MSH3: variants seen among roughly 807,000 people sequenced by gnomAD.
MSH3 encodes DNA mismatch repair protein Msh3.
Under a neutral mutation model 123.3 loss-of-function variants are expected in MSH3, and 106 were observed. That is an observed-to-expected ratio of 0.86 (90% CI 0.73 to 1.01). The LOEUF (loss-of-function observed/expected upper bound fraction) is 1.01, where lower values mean the gene tolerates loss of function less well. Ranked by LOEUF, MSH3 falls within the 50% of genes least tolerant of loss-of-function variation. The pLI, the probability that MSH3 is intolerant of heterozygous loss-of-function variation, is 0.00. For missense variants in MSH3, 1,459 were observed against 1,347.6 expected (o/e 1.08, Z -1.29); for synonymous variants, 515 against 481.4 (o/e 1.07, Z -0.91).
chr5:80,748,333 C>G (rs1339421471), intron 12 of MSH3, among the ~76,000 whole-genome samples: 1 of 152,140 alleles, frequency 6.6e-6, no homozygotes, highest in Non-Finnish European at 1.5e-5. Context: ...AAAATGGTCT[C>G]TTTGGTGCAA....
At chr5:80,733,529 G>C (rs1315182927) in intron 10 of MSH3, among the ~76,000 whole-genome samples, 6 of 151,892 alleles carry the variant, frequency 4.0e-5, no homozygotes, top group Non-Finnish European at 8.8e-5. Flanking sequence ...TCAAGAAAGT[G>C]AAAAGACAAT....
At chr5:80,679,714 T>G (rs1181104893) in intron 8 of MSH3, among the ~76,000 whole-genome samples, 1 of 152,214 alleles carries the variant, frequency 6.6e-6, no homozygotes, top group East Asian at 1.9e-4. Flanking sequence ...GATATATGTC[T>G]GGCAGAGTTT....
chr5:80,823,249 TAAATG>T (rs897033553), intron 20 of MSH3, among the ~76,000 whole-genome samples: 5 of 152,304 alleles, frequency 3.3e-5, no homozygotes, highest in Admixed American at 2.0e-4. Flanking sequence ...ATTTCTAAAA[TAAATG>T]TGTGAAAAAA....
intron 18 of MSH3, among the ~76,000 whole-genome samples, chr5:80,789,296 T>C (rs1312813585): frequency 6.6e-6 from 1 of 152,126 alleles, no homozygotes; most frequent in Non-Finnish European, 1.5e-5. Flanking sequence ...AAAACTATCC[T>C]TTTTTCATAA....
rs6151893 is a variant in MSH3, at chr5:80,825,040, C to T, written c.2813+11299C>T. Among the ~76,000 whole-genome samples, 14 of 152,308 alleles carry T rather than the reference C, an allele frequency of 9.2e-5. No homozygotes were observed. The South Asian group carries it at 2.7e-3, about 29-fold the overall frequency. ...TTTTATCCCTAGGATATAATTATAT[C>T]CCATTAAATTATATCCCTAGGATAT... On this transcript the variant is annotated intron_variant, in intron 20 of 23. Transcript: ENST00000265081.
At chr5:80,657,502 C>T (rs932745402) in intron 2 of MSH3, among the ~76,000 whole-genome samples, 4 of 152,120 alleles carry the variant, frequency 2.6e-5, no homozygotes, top group African/African-American at 9.7e-5. Context: ...GCCTGAGTGC[C>T]TGAGTTCCTG....
At chr5:80,739,478 C>A (rs906525055) in intron 10 of MSH3, among the ~76,000 whole-genome samples, 1 of 152,164 alleles carries the variant, frequency 6.6e-6, no homozygotes, top group African/African-American at 2.4e-5. Context: ...TATTTGTAGA[C>A]CCTCTACTGT....
intron 10 of MSH3, among the ~76,000 whole-genome samples, chr5:80,732,358 C>T (rs1743427622): frequency 6.6e-6 from 1 of 151,984 alleles, no homozygotes; most frequent in South Asian, 2.1e-4. Flanking sequence ...CCAAGATAAA[C>T]TGTAAAACCT....
intron 8 of MSH3, among the ~76,000 whole-genome samples, chr5:80,705,422 A>G (rs1750700129): frequency 6.6e-6 from 1 of 152,226 alleles, no homozygotes. Context: ...AAGCATTGGT[A>G]ACTTGAAATC....
intron 15 of MSH3, among the ~76,000 whole-genome samples, chr5:80,769,938 G>C (rs1036705281): frequency 6.6e-6 from 1 of 152,056 alleles, no homozygotes; most frequent in Non-Finnish European, 1.5e-5. Context: ...TTAGTCTTGT[G>C]TTATTTCATA....
At chr5:80,754,472 G>A (rs2112875350) in intron 12 of MSH3, among the ~76,000 whole-genome samples, 1 of 152,156 alleles carries the variant, frequency 6.6e-6, no homozygotes, top group Non-Finnish European at 1.5e-5. Context: ...TCTGGTCAAG[G>A]TATAATCTAC....
At chr5:80,672,143 C>G in intron 4 of MSH3, 101 bp from the exon 5 acceptor site, 1 of 880,480 alleles carries the variant, frequency 1.1e-6, no homozygotes, top group Non-Finnish European at 1.8e-6. Flanking sequence ...GTGTACAAAT[C>G]CTAAATGTAT....
intron 4 of MSH3, 66 bp downstream of exon 4, chr5:80,670,375 T>C: frequency 6.7e-7 from 1 of 1,494,990 alleles, no homozygotes; most frequent in African/African-American, 1.4e-5. Flanking sequence ...TTTCAGTATT[T>C]TTGTTTCATT....
At chr5:80,811,161 C>T (rs966772053) in intron 19 of MSH3, among the ~76,000 whole-genome samples, 2 of 152,044 alleles carry the variant, frequency 1.3e-5, no homozygotes, top group African/African-American at 4.8e-5. Context: ...ATCCAAAATT[C>T]AATTTTTATA....
chr5:80,725,577 C>T lies in MSH3; in HGVS notation c.1453+12C>T, dbSNP rs1407632201. The T allele has an allele frequency of 6.4e-7, 1 of 1,554,484 alleles. No individual in the cohort carries two copies. The highest frequency in any genetic ancestry group is 1.7e-5 in the Admixed American group (1 of 59,938). On this transcript the variant is annotated intron_variant, in intron 9 of 23. Coordinates refer to ENST00000265081, the MANE Select transcript of MSH3 (RefSeq NM_002439.5). ...AGTTGACATCAAAGGTAAATATTTT[C>T]CCTGTATGTCCTCAAGTTGAACTGA...
chr5:80,849,539 C>T (rs1013640759), intron 20 of MSH3, among the ~76,000 whole-genome samples: 1 of 152,176 alleles, frequency 6.6e-6, no homozygotes, highest in African/African-American at 2.4e-5. Flanking sequence ...AACCTCAGTT[C>T]TTGACTTTTG....
chr5:80,746,424 A>C (rs930383254), intron 12 of MSH3: 1 of 444,544 alleles, frequency 2.2e-6, no homozygotes, highest in Admixed American at 2.7e-5. Flanking sequence ...AAGTCTTGCG[A>C]ATCTTCTCAG....
chr5:80,744,867 G>C (rs1418464897), intron 12 of MSH3, among the ~76,000 whole-genome samples: 1 of 151,962 alleles, frequency 6.6e-6, no homozygotes, highest in African/African-American at 2.4e-5. Context: ...GATGCCTTTT[G>C]TGGAGGGTTT....
chr5:80,799,500 CTTTTTTT>C (rs746348952), intron 19 of MSH3, among the ~76,000 whole-genome samples: 8 of 32,314 alleles, frequency 2.5e-4, no homozygotes, highest in African/African-American at 3.8e-4. Context: ...GAAGATAGCA[CTTTTTTT>C]TTTTTTTTTT....
Sources: allele counts gnomAD v4.1 joint callset (sites outside exome capture counted in the v4.1 genomes callset), GRCh38; gene constraint gnomAD v4.1.1; transcripts MANE v1.5; gene names NCBI Gene and HGNC (gene_info 2026-07-23, HGNC 2026-07-21).